The following ZNF217 variants were observed in gnomAD, a reference collection of about 807,000 sequenced individuals.
ZNF217 encodes zinc finger protein 217.
In ZNF217, 12 loss-of-function variants were observed where a neutral mutation model predicts 73.3. The ratio of observed to expected loss-of-function variants is 0.16; its 90% confidence interval spans 0.10 to 0.27. ZNF217 has a LOEUF of 0.27. ZNF217 is among the 10% of genes least tolerant of loss of function. ZNF217 has a pLI of 1.00. For missense variants in ZNF217, 1,195 were observed against 1,327.8 expected, an observed-to-expected ratio of 0.90 and a Z score of 1.55; for synonymous variants, 588 against 516.4, an observed-to-expected ratio of 1.14 and a Z score of -1.88.
intron 1 of ZNF217, among the ~76,000 whole-genome samples, chr20:53,585,264 G>C (rs1988655648): frequency 6.6e-6 from 1 of 152,104 alleles, no homozygotes; most frequent in Non-Finnish European, 1.5e-5. Context: ...CTCGGGATTA[G>C]AAATATGATG....
At chr20:53,590,414 A>AT (rs199954476) in intron 1 of ZNF217, among the ~76,000 whole-genome samples, 6 of 150,430 alleles carry the variant, frequency 4.0e-5, no homozygotes, top group Non-Finnish European at 8.9e-5. Flanking sequence ...GACAATTTGA[A>AT]TTTTTTTTTT....
chr20:53,572,113 C>G (rs1276044010), intron 4 of ZNF217, among the ~76,000 whole-genome samples: 2 of 152,168 alleles, frequency 1.3e-5, no homozygotes, highest in African/African-American at 2.4e-5. Context: ...AAAAAAATGA[C>G]ATCACAAAAT....
rs1200788837 is a variant in ZNF217 at position 53,593,210 on chromosome 20, GCCCTC to G, written c.-343+541_-343+545del. ...GCCCCTCCCGCGGTCCCTTAGAGGC[GCCCTC>G]CGCCCGGCCCGAGTGGACCGTCCCG... On this transcript the variant is annotated intron_variant, in intron 1 of 5. Coordinates refer to ENST00000371471, the MANE Select transcript of ZNF217 (RefSeq NM_006526.3). Among the ~76,000 whole-genome samples, 45 of 152,188 alleles carry G rather than the reference GCCCTC, an allele frequency of 3.0e-4. No homozygotes were observed. The East Asian group carries it at 8.0e-3, about 27-fold the overall frequency.
rs1257820403 is a variant in ZNF217 at position 53,581,894 on chromosome 20, T to C, written c.933A>G (p.Gln311=). 1 of 1,614,262 alleles carries C rather than the reference T, an allele frequency of 6.2e-7. No individual in the cohort carries two copies. The highest frequency in any genetic ancestry group is 2.2e-5 in the East Asian group (1 of 44,888). Residue 311 remains glutamine (Q), a synonymous_variant, in exon 2 of 6, where the codon CAA becomes CAG. Coordinates refer to ENST00000371471, the MANE Select transcript of ZNF217 (RefSeq NM_006526.3). This position sits in a 1 kb window ranked among gnomAD's most constrained non-coding sequence, Gnocchi z 4.9. The stretch of plus-strand genomic sequence containing the variant: ...CTTCTTGCCCCGATTCCTTCACTTC[T>C]TGGCAAATGGCAACTTTTCCTTTGG... The part of the protein sequence containing the change: ...LATKGKVAIC[Q]EVKESGQEGS...
chr20:53,582,683 G>A lies in ZNF217; in HGVS notation c.144C>T (p.Phe48=). ...LSMKGTAVVP[F]RATQEKNVIQ... is the part of the protein sequence containing the mutation. ...TGACATTTTTTTCTTGTGTAGCTCG[G>A]AATGGAACAACAGCGGTCCCTTTCA... The change falls in exon 2 of 6, where the codon TTC becomes TTT. Residue 48 remains phenylalanine (F), a synonymous_variant. Coordinates refer to ENST00000371471, the MANE Select transcript of ZNF217 (RefSeq NM_006526.3). This position sits in a 1 kb window ranked among gnomAD's most constrained non-coding sequence, Gnocchi z 4.8. 3.7e-6 allele frequency: 6 copies of A among 1,614,054 alleles called. No individual in the cohort carries two copies. Among genetic ancestry groups the A allele is most frequent in the Non-Finnish European group, 5.1e-6 (6 of 1,179,994 alleles).
Position 53,581,842 on chromosome 20 carries a change from A to G in ZNF217, c.985T>C (p.Ser329Pro). ...EGSTDNDDSS[S>P]EKELGETNKG... ...TTTGTTTCTCCAAGCTCCTTCTCGG[A>G]ACTCGAATCGTCGTTGTCGGTGCTC... Residue 329 changes from serine (S) to proline (P), a missense_variant, in exon 2 of 6, where the codon TCC (serine) becomes CCC (proline). By Grantham distance (74) the Ser-to-Pro change is moderately conservative (BLOSUM62 -1). Around this residue, in one of 9 missense-constraint regions of ZNF217, gnomAD observed 102 missense variants for 91.9 expected, o/e 1.11. Coordinates refer to ENST00000371471, the MANE Select transcript of ZNF217 (RefSeq NM_006526.3). The surrounding 1 kb of genome is among the most constrained non-coding windows in gnomAD (Gnocchi z 4.9). The G allele has an allele frequency of 6.2e-7, 1 of 1,614,180 alleles. No homozygotes were observed. The highest frequency in any genetic ancestry group is 1.1e-5 in the South Asian group (1 of 91,078).
chr20:53,588,073 G>A (rs1458488581), intron 1 of ZNF217, among the ~76,000 whole-genome samples: 1 of 151,908 alleles, frequency 6.6e-6, no homozygotes, highest in African/African-American at 2.4e-5. Context: ...CTTCAACTTG[G>A]GAAGCTTGTA....
chr20:53,581,793 G>A lies in ZNF217; in HGVS notation c.1034C>T (p.Ser345Leu), dbSNP rs755690115. The change falls in exon 2 of 6, where the codon TCG becomes TTG. Residue 345 changes from serine (S) to leucine (L), a missense_variant. Ser to Leu is a moderately radical substitution (Grantham distance 145). Around this residue, in one of 9 missense-constraint regions of ZNF217, gnomAD observed 102 missense variants for 91.9 expected, o/e 1.11. Coordinates refer to ENST00000371471, the MANE Select transcript of ZNF217 (RefSeq NM_006526.3). The surrounding 1 kb of genome is among the most constrained non-coding windows in gnomAD (Gnocchi z 4.9). ...GTGTTTGCACTTCTCTTTCTCTTGC[G>A]AGAGGCCTGCACAACTGCCCTTATT... ...ETNKGSCAGL[S>L]QEKEKCKHSH... is the part of the protein sequence containing the mutation. 19 of 1,614,122 alleles carry A rather than the reference G, an allele frequency of 1.2e-5. No homozygotes were observed. Among genetic ancestry groups the A allele is most frequent in the East Asian group, 2.2e-5 (1 of 44,902 alleles).
chr20:53,581,333 G>A lies in ZNF217; in HGVS notation c.1366+128C>T, dbSNP rs1988473139. The A allele has an allele frequency of 7.5e-7, 1 of 1,327,756 alleles. No individual in the cohort carries two copies. Among genetic ancestry groups the A allele is most frequent in the Non-Finnish European group, 1.0e-6 (1 of 986,192 alleles). The allele number at this position is 1,327,756 out of a possible 1,614,324, so 82.2% of individuals were successfully genotyped here. A position where few individuals can be genotyped will look rare whatever the true frequency, so the allele number is the denominator to read the frequency against. On this transcript the variant is annotated intron_variant, in intron 2 of 5. Transcript: ENST00000371471. The surrounding 1 kb of genome is among the most constrained non-coding windows in gnomAD (Gnocchi z 4.9). Reference sequence around the variant, plus strand: ...CACAGAGTGATACCAAAAAGAGCCTGGACTTGACTCTGGCTCTCCAAACCC... The same window carrying A: ...CACAGAGTGATACCAAAAAGAGCCTAGACTTGACTCTGGCTCTCCAAACCC...
intron 4 of ZNF217, chr20:53,574,863 A>C (rs983253594): frequency 7.2e-5 from 11 of 151,918 alleles, no homozygotes; most frequent in African/African-American, 2.7e-4. Context: ...GGCACTGACT[A>C]CTGAGCACAC....
chr20:53,582,871 G>A lies in ZNF217; in HGVS notation c.-45C>T. 6.4e-7 allele frequency: 1 copy of A among 1,554,220 alleles called. No homozygotes were observed. The highest frequency in any genetic ancestry group is 1.4e-5 in the African/African-American group (1 of 73,322). ...GGGCAATTTCTGGAGTTGGAATAAG[G>A]CCACTTGTAAGACTTGTCACTCACC... On this transcript the variant is annotated 5_prime_UTR_variant, in exon 2 of 6. Coordinates refer to ENST00000371471, the MANE Select transcript of ZNF217 (RefSeq NM_006526.3). This position sits in a 1 kb window ranked among gnomAD's most constrained non-coding sequence, Gnocchi z 4.8.
At chr20:53,583,967 A>C (rs1449629098) in intron 1 of ZNF217, among the ~76,000 whole-genome samples, 1 of 152,266 alleles carries the variant, frequency 6.6e-6, no homozygotes, top group Non-Finnish European at 1.5e-5. Context: ...GTATAGATTT[A>C]AAATAAAATC....
At position 53,568,725 on chromosome 20, in the gene ZNF217, A is replaced by G. The variant is rs1600706822; in HGVS notation, c.*563T>C. ...ACAACAATAGATTTGGGTGGATTCA[A>G]CATAATACAAAATCATTGACAGTTT... On this transcript the variant is annotated 3_prime_UTR_variant, in exon 6 of 6. Coordinates refer to ENST00000371471, the MANE Select transcript of ZNF217 (RefSeq NM_006526.3). The G allele has an allele frequency of 6.5e-6, 1 of 152,842 alleles. No homozygotes were observed. Among genetic ancestry groups the G allele is most frequent in the Admixed American group, 6.5e-5 (1 of 15,278 alleles). 9.5% of individuals were successfully genotyped at this position (152,842 alleles called of 1,614,324 possible).
At chr20:53,593,098 G>A (rs945185191) in intron 1 of ZNF217, among the ~76,000 whole-genome samples, 1 of 152,056 alleles carries the variant, frequency 6.6e-6, no homozygotes, top group African/African-American at 2.4e-5. Context: ...GTTCAGGGAT[G>A]AGCAGGCGCC....
chr20:53,582,505 G>A lies in ZNF217; in HGVS notation c.322C>T (p.Leu108Phe), dbSNP rs369417236. Residue 108 changes from leucine to phenylalanine, a missense_variant, in exon 2 of 6, where the codon CTT becomes TTT. Coordinates refer to ENST00000371471, the MANE Select transcript of ZNF217 (RefSeq NM_006526.3). The surrounding 1 kb of genome is among the most constrained non-coding windows in gnomAD (Gnocchi z 4.8). ...TCTGTTCGCACTTGACTTTTATCAA[G>A]CGGACTGAGATACTCTGCTTCAACC... is the stretch of plus-strand genomic sequence containing the variant. ...LRVEAEYLSP[L>F]DKSQVRTEPP... 19 of 1,614,020 alleles carry A rather than the reference G, an allele frequency of 1.2e-5. No individual in the cohort carries two copies. The highest frequency in any genetic ancestry group is 1.6e-4 in the Middle Eastern group (1 of 6,084).
At position 53,582,956 on chromosome 20, in the gene ZNF217, A is replaced by G. The variant is rs3748501; in HGVS notation, c.-130T>C. On this transcript the variant is annotated 5_prime_UTR_variant, in exon 2 of 6. Coordinates refer to ENST00000371471, the MANE Select transcript of ZNF217 (RefSeq NM_006526.3). This position sits in a 1 kb window ranked among gnomAD's most constrained non-coding sequence, Gnocchi z 4.8. ...AATATTTATTATAAAAGTTCAAAAG[A>G]AAGTGTATAGTCCTCTAACTTCTTC... 41,228 of 1,003,058 alleles carry G rather than the reference A, an allele frequency of 0.041. 1,624 individuals are homozygous for G. The highest frequency in any genetic ancestry group is 0.18 in the East Asian group (7,116 of 39,748). The allele number at this position is 1,003,058 out of a possible 1,614,324, so 62.1% of individuals were successfully genotyped here.
Position 53,576,578 on chromosome 20 carries a change from T to C in ZNF217, c.2186A>G (p.Gln729Arg). 3 of 1,614,264 alleles carry C rather than the reference T, an allele frequency of 1.9e-6. No individual in the cohort carries two copies. The highest frequency in any genetic ancestry group is 1.7e-6 in the Non-Finnish European group (2 of 1,180,050). Residue 729 changes from glutamine to arginine, a missense_variant, in exon 4 of 6, where the codon CAG becomes CGG. Transcript: ENST00000371471. ...AGGATTGTATTTATGCTCCAGTCTCTGGTGCATCATTAAAACTTCTGGATA... is the reference window on the plus strand; with the variant it reads ...AGGATTGTATTTATGCTCCAGTCTCCGGTGCATCATTAAAACTTCTGGATA... ...TFYPEVLMMH[Q>R]RLEHKYNPDV...
chr20:53,587,882 T>C (rs1988752057), intron 1 of ZNF217, among the ~76,000 whole-genome samples: 1 of 150,632 alleles, frequency 6.6e-6, no homozygotes, highest in South Asian at 2.1e-4. Context: ...TACAGGTTTT[T>C]TTATTTTTTA....
upstream of ZNF217, among the ~76,000 whole-genome samples, chr20:53,594,801 G>A (rs1323761371): frequency 6.6e-6 from 1 of 152,226 alleles, no homozygotes. Context: ...TTGCTCGCGG[G>A]TTAGAAGGCA....
Sources: allele counts gnomAD v4.1 joint callset (sites outside exome capture counted in the v4.1 genomes callset), GRCh38; gene constraint gnomAD v4.1.1; regional missense constraint gnomAD v4.1.1; non-coding constraint Gnocchi (gnomAD v3.1); transcripts MANE v1.5; gene names NCBI Gene and HGNC (gene_info 2026-07-23, HGNC 2026-07-21).